Variants in DHX57 observed in about 807,000 individuals in gnomAD.
DHX57 encodes the protein putative ATP-dependent RNA helicase DHX57.
Under a neutral mutation model 156.2 loss-of-function variants are expected in DHX57, and 105 were observed. The ratio of observed to expected loss-of-function variants is 0.67; its 90% CI spans 0.57 to 0.79. The LOEUF (loss-of-function observed/expected upper bound fraction) is 0.79, where lower values mean the gene tolerates loss of function less well. Among genes scored for constraint, DHX57 ranks in the 30% least tolerant of loss-of-function variants. The probability of loss-of-function intolerance (pLI) is 0.00; values close to 1 mark genes in which losing one functional copy is unlikely to be tolerated. For synonymous variants in DHX57, 704 were observed against 595.6 expected, an observed-to-expected ratio of 1.18 and a Z score of -2.65; for missense variants, 1,847 against 1,661.9, an observed-to-expected ratio of 1.11 and a Z score of -1.94.
In DHX57 at chr2:38,823,189, G is replaced by A; in HGVS notation, c.3095C>T (p.Ser1032Phe). 1 of 1,614,174 alleles carries A rather than the reference G, an allele frequency of 6.2e-7. No homozygotes were observed. Among genetic ancestry groups the A allele is most frequent in the East Asian group, 2.2e-5 (1 of 44,880 alleles). ...SRLIEPPHTD[S>F]LRASKIRLRD... ...TAATCGTATTTTTGAGGCACGAAGA[G>A]AATCGGTGTGTGGAGGTTCAATGAG... Residue 1032 changes from serine to phenylalanine, a missense_variant, in exon 17 of 24, where the codon TCT becomes TTT. Coordinates refer to ENST00000457308, the MANE Select transcript of DHX57 (RefSeq NM_198963.3).
chr2:38,871,176 A>T (rs1355911830), intron 1 of DHX57, among the ~76,000 whole-genome samples: 1 of 152,210 alleles, frequency 6.6e-6, no homozygotes, highest in Non-Finnish European at 1.5e-5. Flanking sequence ...TTATTTGAAA[A>T]CCAGTACAAA....
intron 2 of DHX57, among the ~76,000 whole-genome samples, chr2:38,864,843 C>G (rs948582649): frequency 3.9e-5 from 6 of 152,176 alleles, no homozygotes; most frequent in Non-Finnish European, 8.8e-5. Flanking sequence ...AAACACAACC[C>G]AATCAGTATT....
At chr2:38,808,719 G>A (rs564934334) in intron 21 of DHX57, among the ~76,000 whole-genome samples, 2 of 152,058 alleles carry the variant, frequency 1.3e-5, no homozygotes, top group South Asian at 4.1e-4. Flanking sequence ...ACTCATTTTG[G>A]GGGGTTCATG....
intron 10 of DHX57, among the ~76,000 whole-genome samples, chr2:38,847,399 A>G (rs1462785737): frequency 6.6e-6 from 1 of 152,226 alleles, no homozygotes; most frequent in Non-Finnish European, 1.5e-5. Flanking sequence ...GTTGTATTCT[A>G]GATCAAACAC....
intron 13 of DHX57, among the ~76,000 whole-genome samples, chr2:38,832,673 G>A (rs1671446121): frequency 6.6e-6 from 1 of 151,512 alleles, no homozygotes; most frequent in African/African-American, 2.4e-5. Context: ...AGCCTCCCAA[G>A]TAGCTGGGAT....
At chr2:38,817,094 C>G (rs1670581323) in intron 19 of DHX57, among the ~76,000 whole-genome samples, 1 of 152,108 alleles carries the variant, frequency 6.6e-6, no homozygotes, top group Non-Finnish European at 1.5e-5. Flanking sequence ...TCACGCCTGG[C>G]TAATTTTTAT....
intron 22 of DHX57, among the ~76,000 whole-genome samples, chr2:38,805,891 G>T (rs1378914030): frequency 6.6e-6 from 1 of 152,160 alleles, no homozygotes; most frequent in Admixed American, 6.6e-5. Context: ...AAGTGCTGTT[G>T]TGCCTTTGGT....
Position 38,852,781 on chromosome 2 carries a change from G to T in DHX57, c.2030+1273C>A, listed in dbSNP as rs571105325. 5.9e-5 allele frequency among the ~76,000 whole-genome samples: 9 copies of T among 151,644 alleles called. No individual in the cohort carries two copies. The South Asian group carries it at 1.0e-3, about 18-fold the overall frequency. Reference sequence around the variant, plus strand: ...AAGCATGCACCACTGTGTCTGGCAAGAATTTTTATTTTATGCCTCACCCTT... The same window carrying T: ...AAGCATGCACCACTGTGTCTGGCAATAATTTTTATTTTATGCCTCACCCTT... On this transcript the variant is annotated intron_variant, in intron 9 of 23. Transcript: ENST00000457308.
chr2:38,847,113 C>T (rs765520856), intron 10 of DHX57, 40 bp from the exon 11 acceptor site: 3 of 1,476,490 alleles, frequency 2.0e-6, no homozygotes, highest in Non-Finnish European at 2.8e-6. Flanking sequence ...CCTGAGAACA[C>T]CCATTCAACC....
In DHX57 at chr2:38,802,820, C is replaced by T. The variant is rs746331082; in HGVS notation, c.3912G>A (p.Pro1304=). 2.4e-5 allele frequency: 38 copies of T among 1,614,024 alleles called. No individual in the cohort carries two copies. The highest frequency in any genetic ancestry group is 1.3e-4 in the South Asian group (12 of 91,090). ...CTTGGCCTCCTCCAAACAAGACCAG[C>T]GGGTACACAGACACCATGCTGCAGT... ...IRDCSMVSVY[P]LVLFGGGQVN... Residue 1304 remains proline, a synonymous_variant, in exon 23 of 24, where the codon CCG becomes CCA. Transcript: ENST00000457308.
chr2:38,819,054 A>G lies in DHX57; in HGVS notation c.3382T>C (p.Tyr1128His). 1.9e-6 allele frequency: 3 copies of G among 1,614,204 alleles called. No homozygotes were observed. The highest frequency in any genetic ancestry group is 2.5e-6 in the Non-Finnish European group (3 of 1,180,020). Residue 1128 changes from tyrosine (Y) to histidine (H), a missense_variant, in exon 18 of 24, where the codon TAT becomes CAT. Coordinates refer to ENST00000457308, the MANE Select transcript of DHX57 (RefSeq NM_198963.3). The stretch of plus-strand genomic sequence containing the variant: ...CTATTAGGTTATATACTTACCTTAT[A>G]CGCTTGTAGAAGGGCCAGATAATCA... ...NSDYLALLQA[Y>H]KGWQLSTKEG...
chr2:38,805,314 G>A (rs999646634), intron 22 of DHX57, among the ~76,000 whole-genome samples: 20 of 152,164 alleles, frequency 1.3e-4, no homozygotes, highest in Non-Finnish European at 2.5e-4. Flanking sequence ...GGATAGAGCA[G>A]CCTGAATGTT....
chr2:38,845,838 AATG>A (rs914565430), intron 11 of DHX57, among the ~76,000 whole-genome samples: 51 of 152,004 alleles, frequency 3.4e-4, no homozygotes, highest in Middle Eastern at 3.4e-3. Context: ...ATGCGAGTAC[AATG>A]ATGATGATGA....
chr2:38,859,409 T>A (rs1164631068), intron 5 of DHX57, among the ~76,000 whole-genome samples: 1 of 152,140 alleles, frequency 6.6e-6, no homozygotes, highest in East Asian at 1.9e-4. Context: ...TATGGGTACA[T>A]GGGTACAGGG....
chr2:38,859,580 G>A (rs1489224953), intron 5 of DHX57, among the ~76,000 whole-genome samples: 1 of 152,112 alleles, frequency 6.6e-6, no homozygotes, highest in African/African-American at 2.4e-5. Flanking sequence ...GAAAAAAAGT[G>A]CATGACACAT....
At chr2:38,849,719 TG>T (rs1436111613) in intron 9 of DHX57, among the ~76,000 whole-genome samples, 4 of 152,164 alleles carry the variant, frequency 2.6e-5, no homozygotes, top group Admixed American at 2.6e-4. Flanking sequence ...CTGTTCTCCT[TG>T]CCGTCTTTGA....
At chr2:38,857,904 T>TATTTG (rs1271633472) in intron 6 of DHX57, among the ~76,000 whole-genome samples, 1 of 152,158 alleles carries the variant, frequency 6.6e-6, no homozygotes, top group African/African-American at 2.4e-5. Flanking sequence ...TAAATCGCAG[T>TATTTG]ATTTGTTTTG....
intron 21 of DHX57, among the ~76,000 whole-genome samples, chr2:38,809,469 CTT>C (rs1553322186): frequency 3.1e-5 from 1 of 32,656 alleles, no homozygotes; most frequent in Non-Finnish European, 9.3e-5. Context: ...TTTTTTTTTT[CTT>C]TTTTTTTTTA....
intron 22 of DHX57, among the ~76,000 whole-genome samples, chr2:38,804,869 C>T (rs943105839): frequency 6.6e-6 from 1 of 152,172 alleles, no homozygotes; most frequent in Non-Finnish European, 1.5e-5. Context: ...CGTGCAGGGC[C>T]CCTCTCCTGT....
Sources: allele counts gnomAD v4.1 joint callset (sites outside exome capture counted in the v4.1 genomes callset), GRCh38; gene constraint gnomAD v4.1.1; transcripts MANE v1.5; gene names NCBI Gene and HGNC (gene_info 2026-07-23, HGNC 2026-07-21).